The following SLC8A1 variants were observed in gnomAD, a reference collection of about 807,000 sequenced individuals.
SLC8A1 encodes solute carrier family 8 member A1.
Under a neutral mutation model 68.3 loss-of-function variants are expected in SLC8A1, and 18 were observed. The ratio of observed to expected loss-of-function variants is 0.26; its 90% confidence interval spans 0.18 to 0.39. The LOEUF (loss-of-function observed/expected upper bound fraction) is 0.39, where lower values mean the gene tolerates loss of function less well. Among genes scored for constraint, SLC8A1 ranks in the 10% least tolerant of loss-of-function variants. The probability of loss-of-function intolerance (pLI) is 1.00; values close to 1 mark genes in which losing one functional copy is unlikely to be tolerated. For missense variants in SLC8A1, 985 were observed against 1,156.7 expected, an observed-to-expected ratio of 0.85 and a Z score of 2.15; for synonymous variants, 475 against 415.5, an observed-to-expected ratio of 1.14 and a Z score of -1.74.
chr2:40,266,063 A>C (rs1574915955), intron 2 of SLC8A1, among the ~76,000 whole-genome samples: 1 of 152,332 alleles, frequency 6.6e-6, no homozygotes, highest in South Asian at 2.1e-4. Flanking sequence ...AAGAATTCAG[A>C]ATTCTTAGGT....
At chr2:40,317,676 A>C (rs1438240778) in intron 2 of SLC8A1, among the ~76,000 whole-genome samples, 2 of 152,090 alleles carry the variant, frequency 1.3e-5, no homozygotes, top group Non-Finnish European at 2.9e-5. Context: ...AAAATGAAGC[A>C]AGCTCAATTT....
intron 1 of SLC8A1, among the ~76,000 whole-genome samples, chr2:40,489,378 G>A (rs371268362): frequency 6.6e-6 from 1 of 152,082 alleles, no homozygotes; most frequent in African/African-American, 2.4e-5. Context: ...CCATATAGAC[G>A]AGGTACAATA....
intron 2 of SLC8A1, among the ~76,000 whole-genome samples, chr2:40,262,465 C>T (rs381797): frequency 0.95 from 144,140 of 152,266 alleles, 68,271 homozygotes; most frequent in East Asian, 1. Context: ...CTTTGATCCA[C>T]TGGAAAATCC....
chr2:40,288,856 T>C (rs1269838190), intron 2 of SLC8A1, among the ~76,000 whole-genome samples: 1 of 135,522 alleles, frequency 7.4e-6, no homozygotes, highest in East Asian at 2.3e-4. Flanking sequence ...TATATATGTA[T>C]ATATATGATT....
intron 2 of SLC8A1, among the ~76,000 whole-genome samples, chr2:40,376,956 T>C (rs982913772): frequency 2.0e-5 from 3 of 152,092 alleles, no homozygotes; most frequent in Non-Finnish European, 4.4e-5. Flanking sequence ...TGACCAGGTA[T>C]ATAATTCTCT....
At chr2:40,294,697 T>C (rs991782606) in intron 2 of SLC8A1, among the ~76,000 whole-genome samples, 3 of 152,218 alleles carry the variant, frequency 2.0e-5, no homozygotes, top group African/African-American at 7.2e-5. Flanking sequence ...TCAATCATTT[T>C]AATTTTATAT....
At chr2:40,270,546 A>T (rs1012381517) in intron 2 of SLC8A1, among the ~76,000 whole-genome samples, 1 of 152,170 alleles carries the variant, frequency 6.6e-6, no homozygotes, top group African/African-American at 2.4e-5. Context: ...GCAACATTGC[A>T]TCTCTCTGAC....
chr2:40,278,374 A>C (rs4952602), intron 2 of SLC8A1, among the ~76,000 whole-genome samples: 68,701 of 151,762 alleles, frequency 0.45, 17,632 homozygotes, highest in East Asian at 0.69. Context: ...GAGGCTGAGG[A>C]GGAAGAATTG....
intron 2 of SLC8A1, among the ~76,000 whole-genome samples, chr2:40,300,039 C>T (rs1315320559): frequency 1.3e-5 from 2 of 152,176 alleles, no homozygotes; most frequent in African/African-American, 4.8e-5. Context: ...CAGGCTATCA[C>T]TGTCCTCAAA....
intron 2 of SLC8A1, 81 bp from the exon 3 acceptor site, chr2:40,178,574 T>A (rs1294972056): frequency 8.5e-7 from 1 of 1,169,598 alleles, no homozygotes; most frequent in African/African-American, 1.5e-5. Flanking sequence ...AAAGCAAGGT[T>A]AACCAGCTGC....
rs575105689 is a variant in SLC8A1 at position 40,296,035 on chromosome 2, A to G, written c.1809-118180T>C. Among the ~76,000 whole-genome samples, 5 of 152,278 alleles carry G rather than the reference A, an allele frequency of 3.3e-5. No individual in the cohort carries two copies. The South Asian group carries it at 1.0e-3, about 32-fold the overall frequency. ...AATTTGAGAATTGTGTTTATTGTCT[A>G]TAGAGCTTGTTATTGCTCTTGGGTT... On this transcript the variant is annotated intron_variant, in intron 2 of 7. Coordinates refer to ENST00000406785, the Ensembl canonical transcript of SLC8A1.
intron 1 of SLC8A1, among the ~76,000 whole-genome samples, chr2:40,491,220 C>T (rs922021728): frequency 1.3e-5 from 2 of 152,020 alleles, no homozygotes; most frequent in African/African-American, 4.8e-5. Flanking sequence ...AGTTGGATTC[C>T]TAGGTATTTT....
chr2:40,302,481 A>ATGAT (rs1412273114), intron 2 of SLC8A1, among the ~76,000 whole-genome samples: 1 of 150,502 alleles, frequency 6.6e-6, no homozygotes, highest in Non-Finnish European at 1.5e-5. Context: ...ACACATATAT[A>ATGAT]TGATACATAT....
chr2:40,140,755 C>A (rs2041409714), intron 6 of SLC8A1, among the ~76,000 whole-genome samples: 1 of 152,180 alleles, frequency 6.6e-6, no homozygotes, highest in Non-Finnish European at 1.5e-5. Context: ...AGCATGTGAA[C>A]AAAGGTGGTT....
intron 2 of SLC8A1, among the ~76,000 whole-genome samples, chr2:40,217,842 G>A (rs970972860): frequency 2.0e-5 from 3 of 152,156 alleles, no homozygotes; most frequent in African/African-American, 7.2e-5. Flanking sequence ...TACCTGCATG[G>A]CAACAGAACT....
rs111978557 is a variant in SLC8A1 at position 40,192,944 on chromosome 2, C to G, written c.1809-15089G>C. Among the ~76,000 whole-genome samples the G allele has an allele frequency of 2.7e-3, 414 of 152,246 alleles. 6 individuals carry two copies. The highest frequency in any genetic ancestry group is 0.017 in the Middle Eastern group (5 of 294). On this transcript the variant is annotated intron_variant, in intron 2 of 7. Coordinates refer to ENST00000406785, the Ensembl canonical transcript of SLC8A1. ...ATGTCAGCTCTTCAGGCAGTACTGTCTGTATTCAACAGTAACCATCCGCCA... is the reference window on the plus strand; with the variant it reads ...ATGTCAGCTCTTCAGGCAGTACTGTGTGTATTCAACAGTAACCATCCGCCA...
At chr2:40,175,353 A>C in intron 3 of SLC8A1, 72 bp from the exon 4 acceptor site, 3 of 1,484,412 alleles carry the variant, frequency 2.0e-6, no homozygotes, top group Non-Finnish European at 2.8e-6. Flanking sequence ...GAGGAATATC[A>C]GCAGAAAGAA....
At chr2:40,488,537 C>A (rs773432766) in intron 1 of SLC8A1, among the ~76,000 whole-genome samples, 4 of 151,920 alleles carry the variant, frequency 2.6e-5, no homozygotes, top group Non-Finnish European at 4.4e-5. Flanking sequence ...TCCCTTTTAA[C>A]TGTTAAAAGG....
intron 7 of SLC8A1, among the ~76,000 whole-genome samples, chr2:40,133,391 TG>T (rs3059301): frequency 0.014 from 1,990 of 143,462 alleles, 12 homozygotes; most frequent in African/African-American, 0.031. Context: ...TATACAAAAT[TG>T]GGGGGGGGGG....
Sources: allele counts gnomAD v4.1 joint callset (sites outside exome capture counted in the v4.1 genomes callset), GRCh38; gene constraint gnomAD v4.1.1; transcripts MANE v1.5; gene names NCBI Gene and HGNC (gene_info 2026-07-23, HGNC 2026-07-21).